Variants in MINDY2 observed in about 807,000 individuals in gnomAD.
MINDY2 encodes MINDY lysine 48 deubiquitinase 2, also known as ubiquitin carboxyl-terminal hydrolase MINDY-2.
In MINDY2, 52 loss-of-function variants were observed where a neutral mutation model predicts 68.2. The observed-to-expected ratio is 0.76, with a 90% CI of 0.61 to 0.96. MINDY2 has a LOEUF of 0.96. Among genes scored for constraint, MINDY2 ranks in the 40% least tolerant of loss-of-function variants. The pLI is 0.00. For synonymous variants in MINDY2, 372 were observed against 303.0 expected, an observed-to-expected ratio of 1.23 and a Z score of -2.36; for missense variants, 881 against 773.4, an observed-to-expected ratio of 1.14 and a Z score of -1.65.
chr15:58,861,011 G>A lies in MINDY2; in HGVS notation c.*6401G>A, dbSNP rs919223715. On this transcript the variant is annotated 3_prime_UTR_variant, in exon 9 of 9. Transcript: ENST00000559228. ...AGTAGGACAGTATAACAGGAGATTG[G>A]TGTGTGAATGCTACAAAACAGTCAG... 6.6e-6 allele frequency: 1 copy of A among 152,136 alleles called. No individual in the cohort carries two copies. The highest frequency in any genetic ancestry group is 1.5e-5 in the Non-Finnish European group (1 of 68,026). The allele number at this position is 152,136 out of a possible 1,614,324, so 9.4% of individuals were successfully genotyped here. A position where few individuals can be genotyped will look rare whatever the true frequency, so the allele number is the denominator to read the frequency against.
chr15:58,796,697 A>G (rs1339319245), intron 2 of MINDY2, among the ~76,000 whole-genome samples: 1 of 151,796 alleles, frequency 6.6e-6, no homozygotes, highest in Non-Finnish European at 1.5e-5. Flanking sequence ...TAATTTTTGT[A>G]TTTTTCGTAG....
intron 2 of MINDY2, among the ~76,000 whole-genome samples, chr15:58,788,563 T>G (rs1567042296): frequency 6.6e-6 from 1 of 152,246 alleles, no homozygotes; most frequent in Non-Finnish European, 1.5e-5. Flanking sequence ...GTACAGTTTG[T>G]AGACTGGCTA....
In MINDY2 at chr15:58,860,429, CTGGGTGTGGTGGCACAT is replaced by C. The variant is rs2033185458; in HGVS notation, c.*5820_*5836del. 5 of 152,026 alleles carry C rather than the reference CTGGGTGTGGTGGCACAT, an allele frequency of 3.3e-5. No individual in the cohort carries two copies. Among genetic ancestry groups the C allele is most frequent in the Non-Finnish European group, 7.3e-5 (5 of 68,038 alleles). 9.4% of individuals were successfully genotyped at this position (152,026 alleles called of 1,614,324 possible). ...CTACTAAAAATACAAAAAAAATTAG[CTGGGTGTGGTGGCACAT>C]GCCTGTAATCCCAGCCACTGGGGAG... On this transcript the variant is annotated 3_prime_UTR_variant, in exon 9 of 9. Transcript: ENST00000559228.
intron 6 of MINDY2, among the ~76,000 whole-genome samples, chr15:58,832,682 C>G (rs2031798561): frequency 6.6e-6 from 1 of 151,228 alleles, no homozygotes; most frequent in South Asian, 2.1e-4. Context: ...TATGCGCCAC[C>G]ACACCTGGCT....
chr15:58,785,862 A>G (rs1346454349), intron 1 of MINDY2, among the ~76,000 whole-genome samples: 1 of 152,038 alleles, frequency 6.6e-6, no homozygotes, highest in Non-Finnish European at 1.5e-5. Context: ...TTTTTTTAGT[A>G]AAGTCCGTGT....
chr15:58,783,840 G>A (rs1901312379), intron 1 of MINDY2, among the ~76,000 whole-genome samples: 1 of 152,156 alleles, frequency 6.6e-6, no homozygotes, highest in Non-Finnish European at 1.5e-5. Flanking sequence ...AGCTATGTGG[G>A]AGGTGGAGGT....
At chr15:58,780,180 G>A (rs7164053) in intron 1 of MINDY2, among the ~76,000 whole-genome samples, 31,334 of 151,908 alleles carry the variant, frequency 0.21, 3,775 homozygotes, top group East Asian at 0.52. Flanking sequence ...CGAGGCAGGC[G>A]GATCACTTGA....
At chr15:58,787,139 A>AC (rs1162845198) in intron 1 of MINDY2, among the ~76,000 whole-genome samples, 5 of 77,132 alleles carry the variant, frequency 6.5e-5, no homozygotes, top group African/African-American at 1.1e-4. Flanking sequence ...CCATTTCTTT[A>AC]CTTTTTTTTT....
intron 3 of MINDY2, among the ~76,000 whole-genome samples, chr15:58,808,590 A>G (rs930605874): frequency 6.6e-6 from 1 of 151,976 alleles, no homozygotes; most frequent in African/African-American, 2.4e-5. Context: ...ATTATAAAAT[A>G]TATGGTTTTT....
intron 2 of MINDY2, among the ~76,000 whole-genome samples, chr15:58,795,761 C>CT (rs1334519638): frequency 2.7e-5 from 4 of 146,546 alleles, no homozygotes; most frequent in Non-Finnish European, 4.5e-5. Flanking sequence ...ATTATAGTGT[C>CT]TAAGTTTTTT....
intron 2 of MINDY2, among the ~76,000 whole-genome samples, chr15:58,798,553 T>G (rs969213533): frequency 6.6e-6 from 1 of 151,804 alleles, no homozygotes; most frequent in Non-Finnish European, 1.5e-5. Flanking sequence ...CCTCCTGGGT[T>G]CAAGCGATTA....
intron 6 of MINDY2, among the ~76,000 whole-genome samples, chr15:58,845,649 G>A (rs1445924732): frequency 6.6e-6 from 1 of 152,170 alleles, no homozygotes; most frequent in African/African-American, 2.4e-5. Context: ...GGTTCCTCAA[G>A]ACACTAAAAG....
At chr15:58,823,305 G>A (rs1358361833) in intron 5 of MINDY2, among the ~76,000 whole-genome samples, 3 of 151,792 alleles carry the variant, frequency 2.0e-5, no homozygotes, top group Non-Finnish European at 4.4e-5. Flanking sequence ...TGTATTTTTA[G>A]TAGAGATGGG....
intron 6 of MINDY2, among the ~76,000 whole-genome samples, chr15:58,837,543 A>G (rs1420164665): frequency 1.3e-5 from 2 of 151,232 alleles, no homozygotes; most frequent in South Asian, 2.1e-4. Context: ...TGGCACCAAA[A>G]AAAAAAAAAA....
chr15:58,789,118 A>G (rs1901710674), intron 2 of MINDY2, among the ~76,000 whole-genome samples: 1 of 152,238 alleles, frequency 6.6e-6, no homozygotes, highest in Non-Finnish European at 1.5e-5. Context: ...CGGGCCGATC[A>G]CAAGGTCAGG....
chr15:58,831,200 A>G (rs935948908), intron 5 of MINDY2, among the ~76,000 whole-genome samples: 3 of 152,012 alleles, frequency 2.0e-5, no homozygotes, highest in Non-Finnish European at 4.4e-5. Context: ...GGCATAAAAA[A>G]CCATTAAAAA....
intron 2 of MINDY2, among the ~76,000 whole-genome samples, chr15:58,790,736 A>G (rs1226566414): frequency 1.3e-5 from 2 of 152,308 alleles, no homozygotes; most frequent in African/African-American, 2.4e-5. Flanking sequence ...TCAGTTGGAT[A>G]TAGAGTGAAA....
chr15:58,836,422 A>G (rs1268401872), intron 6 of MINDY2, among the ~76,000 whole-genome samples: 2 of 152,070 alleles, frequency 1.3e-5, no homozygotes, highest in Non-Finnish European at 2.9e-5. Context: ...ATTGCATTTG[A>G]TAGAGTAACT....
At chr15:58,792,941 G>T (rs898234076) in intron 2 of MINDY2, among the ~76,000 whole-genome samples, 1 of 151,966 alleles carries the variant, frequency 6.6e-6, no homozygotes, top group South Asian at 2.1e-4. Flanking sequence ...GTTTGAGACT[G>T]CAATGAGCTA....
Sources: allele counts gnomAD v4.1 joint callset (sites outside exome capture counted in the v4.1 genomes callset), GRCh38; gene constraint gnomAD v4.1.1; transcripts MANE v1.5; gene names NCBI Gene and HGNC (gene_info 2026-07-23, HGNC 2026-07-21).